CYP19A1: variants seen among roughly 807,000 people sequenced by gnomAD.
The protein encoded by CYP19A1 is aromatase.
CYP19A1 carries 32 observed loss-of-function variants against 44.4 expected under a neutral mutation model. The observed-to-expected ratio is 0.72, with a 90% CI of 0.54 to 0.97. The LOEUF (loss-of-function observed/expected upper bound fraction) is 0.97, where lower values mean the gene tolerates loss of function less well. Among genes scored for constraint, CYP19A1 ranks in the 50% least tolerant of loss-of-function variants. CYP19A1 has a pLI of 0.00. For missense variants in CYP19A1, 598 were observed against 637.8 expected, an observed-to-expected ratio of 0.94 and a Z score of 0.67; for synonymous variants, 212 against 215.6, an observed-to-expected ratio of 0.98 and a Z score of 0.14.
At position 51,210,273 on chromosome 15, in the gene CYP19A1, T is replaced by C; in HGVS notation, c.*535A>G. The C allele has an allele frequency of 4.4e-6, 2 of 453,394 alleles. No individual in the cohort carries two copies. The highest frequency in any genetic ancestry group is 8.8e-6 in the Non-Finnish European group (2 of 226,452). 28.1% of individuals were successfully genotyped at this position (453,394 alleles called of 1,614,324 possible). A position where few individuals can be genotyped will look rare whatever the true frequency, so the allele number is the denominator to read the frequency against. On this transcript the variant is annotated 3_prime_UTR_variant, in exon 10 of 10. Transcript: ENST00000396402. ...GGCTTAATTCACAGCAAGGGTCAAA[T>C]GCTGAATTTCTAAGCATTTCTCCAA...
intron 1 of CYP19A1, chr15:51,313,217 T>C (rs2036349313): frequency 6.6e-6 from 1 of 152,304 alleles, no homozygotes; most frequent in Non-Finnish European, 1.5e-5. Flanking sequence ...GGTGAGTGGA[T>C]TGATTTCATC....
chr15:51,233,416 G>A (rs1016847014), intron 3 of CYP19A1, among the ~76,000 whole-genome samples: 3 of 152,174 alleles, frequency 2.0e-5, no homozygotes, highest in African/African-American at 7.2e-5. Context: ...TGAGGTAAAG[G>A]AATTTTGGCT....
At chr15:51,268,395 T>C (rs542919942) in intron 1 of CYP19A1, among the ~76,000 whole-genome samples, 2 of 152,366 alleles carry the variant, frequency 1.3e-5, no homozygotes, top group South Asian at 4.1e-4. Context: ...CATATTGATT[T>C]TGAGTTTCAT....
chr15:51,227,716 AT>A (rs1347105811), intron 4 of CYP19A1, 62 bp downstream of exon 4: 3 of 553,570 alleles, frequency 5.4e-6, no homozygotes, highest in Non-Finnish European at 9.6e-6. Context: ...TTTTAAAAAT[AT>A]GATTTCAAAA....
intron 9 of CYP19A1, among the ~76,000 whole-genome samples, chr15:51,211,264 G>C (rs565031595): frequency 1.3e-5 from 2 of 152,290 alleles, no homozygotes; most frequent in South Asian, 4.1e-4. Context: ...CCCAACCTCA[G>C]AGAGTCCCCA....
At chr15:51,212,238 G>A (rs993844772) in intron 9 of CYP19A1, 82 bp downstream of exon 9, 9 of 969,700 alleles carry the variant, frequency 9.3e-6, no homozygotes, top group Admixed American at 8.4e-5. Flanking sequence ...AGTATTTATG[G>A]TGCAAACACA....
chr15:51,289,087 G>C (rs150975128), intron 1 of CYP19A1, among the ~76,000 whole-genome samples: 9 of 152,258 alleles, frequency 5.9e-5, no homozygotes, highest in Non-Finnish European at 1.0e-4. Context: ...TACATTCTTT[G>C]TGGAAGGACA....
chr15:51,281,427 T>C (rs78687224), intron 1 of CYP19A1, among the ~76,000 whole-genome samples: 5,618 of 152,214 alleles, frequency 0.037, 342 homozygotes, highest in African/African-American at 0.13. Flanking sequence ...AGGGGCCATG[T>C]CCTGGACAGA....
intron 1 of CYP19A1, among the ~76,000 whole-genome samples, chr15:51,276,960 G>C (rs374988582): frequency 6.6e-6 from 1 of 151,578 alleles, no homozygotes; most frequent in African/African-American, 2.4e-5. Flanking sequence ...CTGGTTCCAA[G>C]AGAATGTCAG....
intron 3 of CYP19A1, among the ~76,000 whole-genome samples, chr15:51,231,863 C>T (rs185746990): frequency 8.5e-4 from 129 of 152,174 alleles, no homozygotes; most frequent in African/African-American, 2.8e-3. Context: ...CAATCCCCAA[C>T]GACCCGGACC....
intron 1 of CYP19A1, among the ~76,000 whole-genome samples, chr15:51,310,544 C>T (rs140278685): frequency 1.5e-3 from 230 of 152,314 alleles, no homozygotes; most frequent in African/African-American, 4.9e-3. Flanking sequence ...CAAACTGTAT[C>T]GCCATCACCT....
At chr15:51,298,353 A>G (rs938984764) in intron 1 of CYP19A1, among the ~76,000 whole-genome samples, 2 of 152,216 alleles carry the variant, frequency 1.3e-5, no homozygotes, top group African/African-American at 2.4e-5. Flanking sequence ...ATTTAGTTTT[A>G]TGGAGCCCAT....
chr15:51,323,046 T>C (rs2036552185), intron 1 of CYP19A1, among the ~76,000 whole-genome samples: 1 of 152,240 alleles, frequency 6.6e-6, no homozygotes, highest in Non-Finnish European at 1.5e-5. Flanking sequence ...GGAAGGGCCC[T>C]GGACAAGCCT....
At chr15:51,331,880 A>G (rs1210646238) in intron 1 of CYP19A1, among the ~76,000 whole-genome samples, 1 of 151,682 alleles carries the variant, frequency 6.6e-6, no homozygotes, top group Non-Finnish European at 1.5e-5. Context: ...CTCAATTTTT[A>G]TCACATTTGT....
Position 51,312,192 on chromosome 15 carries a change from G to A in CYP19A1, c.-39+26303C>T, listed in dbSNP as rs2036325841. On this transcript the variant is annotated intron_variant, in intron 1 of 9. Coordinates refer to ENST00000396402, the MANE Select transcript of CYP19A1 (RefSeq NM_000103.4). ...AGCCTGGAATTCATTGGAAAGGACA[G>A]GAAGCTCTGTAGAAAACTTTTCATT... 2.0e-5 allele frequency: 3 copies of A among 152,300 alleles called. No homozygotes were observed. In the South Asian group the frequency reaches 6.2e-4, roughly 32 times the overall value. The allele number at this position is 152,300 out of a possible 1,614,324, so 9.4% of individuals were successfully genotyped here. A position where few individuals can be genotyped will look rare whatever the true frequency, so the allele number is the denominator to read the frequency against.
intron 1 of CYP19A1, among the ~76,000 whole-genome samples, chr15:51,261,288 CACCATCTTGGGAGTGGCCCACG>C (rs558814185): frequency 6.6e-5 from 10 of 152,124 alleles, no homozygotes; most frequent in East Asian, 1.9e-4. Flanking sequence ...AAAGGCTTGC[CACCATCTTGGGAGTGGCCCACG>C]ACCATCTTGG....
At chr15:51,308,105 C>G (rs1285089974) in intron 1 of CYP19A1, among the ~76,000 whole-genome samples, 2 of 152,212 alleles carry the variant, frequency 1.3e-5, no homozygotes, top group Non-Finnish European at 2.9e-5. Flanking sequence ...AGAAGAAGCT[C>G]TGGCTGCTCT....
chr15:51,333,176 T>G (rs1398447184), intron 1 of CYP19A1, among the ~76,000 whole-genome samples: 1 of 152,202 alleles, frequency 6.6e-6, no homozygotes, highest in Non-Finnish European at 1.5e-5. Flanking sequence ...GTGAGCCTCT[T>G]CTAAGAGCAT....
At chr15:51,321,649 C>T (rs564723583) in intron 1 of CYP19A1, 2 of 152,372 alleles carry the variant, frequency 1.3e-5, no homozygotes, top group East Asian at 3.9e-4. Flanking sequence ...CACTCATCTA[C>T]AGGCTCCATG....
Sources: allele counts gnomAD v4.1 joint callset (sites outside exome capture counted in the v4.1 genomes callset), GRCh38; gene constraint gnomAD v4.1.1; transcripts MANE v1.5; gene names NCBI Gene and HGNC (gene_info 2026-07-23, HGNC 2026-07-21).